CALCR: variants seen among roughly 807,000 people sequenced by gnomAD.
CALCR encodes calcitonin receptor.
Under a neutral mutation model 59.5 loss-of-function variants are expected in CALCR, and 47 were observed. That is an observed-to-expected ratio of 0.79 (90% CI 0.63 to 1.01). The LOEUF (loss-of-function observed/expected upper bound fraction) is 1.01. Ranked by LOEUF, CALCR falls within the 50% of genes least tolerant of loss-of-function variation. CALCR has a pLI of 0.00. For missense variants in CALCR, 566 were observed against 597.1 expected (o/e 0.95, Z 0.54); for synonymous variants, 213 against 211.3 (o/e 1.01, Z -0.07).
rs552658067 is a variant in CALCR at position 93,558,363 on chromosome 7, T to C, written c.-27+15926A>G. Among the ~76,000 whole-genome samples, 7 of 152,182 alleles carry C rather than the reference T, an allele frequency of 4.6e-5. No individual in the cohort carries two copies. The East Asian group carries it at 9.6e-4, about 21-fold the overall frequency. On this transcript the variant is annotated intron_variant, in intron 2 of 13. Coordinates refer to ENST00000426151, the MANE Select transcript of CALCR (RefSeq NM_001742.4). Reference sequence around the variant, plus strand: ...TTCTTTGTATACCATGGTTTGATAATGTTTATTTATTTATACTACTTAAAA... The same window carrying C: ...TTCTTTGTATACCATGGTTTGATAACGTTTATTTATTTATACTACTTAAAA...
intron 10 of CALCR, 31 bp downstream of exon 10, chr7:93,438,179 A>G: frequency 6.2e-7 from 1 of 1,611,000 alleles, no homozygotes; most frequent in Non-Finnish European, 8.5e-7. Flanking sequence ...GTTTATGAAT[A>G]TGTTAACTTA....
intron 8 of CALCR, 148 bp from the exon 9 acceptor site, chr7:93,443,905 T>G: frequency 1.6e-6 from 1 of 643,372 alleles, no homozygotes; most frequent in Non-Finnish European, 2.7e-6. Context: ...CCACCTGCTA[T>G]ACCCACAAAT....
Position 93,429,669 on chromosome 7 carries a change from G to T in CALCR, c.1192-3080C>A, listed in dbSNP as rs531965325. 8.1e-3 allele frequency among the ~76,000 whole-genome samples: 1,235 copies of T among 151,980 alleles called. 6 individuals carry two copies. The highest frequency in any genetic ancestry group is 0.013 in the Non-Finnish European group (854 of 67,926). On this transcript the variant is annotated intron_variant, in intron 13 of 13. Transcript: ENST00000426151. ...TTGGATTTGAATGTTTTTGTCTTTT[G>T]CCTTTCTTTTCCTGAGTTCATTCTA...
rs1415625735 is a variant in CALCR at position 93,426,560 on chromosome 7, G to C, written c.1221C>G (p.Ala407=). The change falls in exon 14 of 14, where the codon GCC becomes GCG. Residue 407 remains alanine, a synonymous_variant. Transcript: ENST00000426151. ...GCTGGTTCCACTGAATTTTGAATTG[G>C]GCCCATTGGCGCTTCACGGTGGTTT... ...EVQTTVKRQW[A]QFKIQWNQRW... The C allele has an allele frequency of 2.5e-6, 4 of 1,611,302 alleles. No individual in the cohort carries two copies. The Admixed American group carries it at 5.0e-5, about 20-fold the overall frequency.
At chr7:93,565,158 A>T (rs549346684) in intron 2 of CALCR, among the ~76,000 whole-genome samples, 43 of 152,236 alleles carry the variant, frequency 2.8e-4, no homozygotes, top group Admixed American at 8.5e-4. Context: ...TAGGGAGAGC[A>T]CTAGATGTGG....
intron 10 of CALCR, 40 bp downstream of exon 10, chr7:93,438,170 T>A (rs753699793): frequency 6.2e-7 from 1 of 1,611,836 alleles, no homozygotes; most frequent in South Asian, 1.1e-5. Context: ...ATACATTTTG[T>A]TTATGAATAT....
intron 2 of CALCR, among the ~76,000 whole-genome samples, chr7:93,533,454 T>A (rs1563010479): frequency 6.6e-6 from 1 of 151,996 alleles, no homozygotes; most frequent in African/African-American, 2.4e-5. Context: ...TTACGCTTCA[T>A]ACTTTCAATG....
chr7:93,436,165 A>G lies in CALCR; in HGVS notation c.936T>C (p.Asn312=), dbSNP rs1432962602. 2 of 1,613,630 alleles carry G rather than the reference A, an allele frequency of 1.2e-6. No individual in the cohort carries two copies. Among genetic ancestry groups the G allele is most frequent in the Middle Eastern group, 1.6e-4 (1 of 6,062 alleles). ...HGPVMAALVV[N]FFFLLNIVRV... The stretch of plus-strand genomic sequence containing the variant: ...GGACAATGTTGAGCAAAAAGAAGAA[A>G]TTGACCTGCAAATATACGGTGTTAT... Residue 312 remains asparagine, a synonymous_variant, in exon 12 of 14, where the codon AAT becomes AAC. Coordinates refer to ENST00000426151, the MANE Select transcript of CALCR (RefSeq NM_001742.4).
chr7:93,453,058 T>C (rs1800141550), intron 8 of CALCR, among the ~76,000 whole-genome samples: 1 of 152,050 alleles, frequency 6.6e-6, no homozygotes, highest in African/African-American at 2.4e-5. Flanking sequence ...TTATGCTTAG[T>C]CCCTTTTAGA....
intron 13 of CALCR, among the ~76,000 whole-genome samples, chr7:93,431,714 A>C (rs1358371575): frequency 6.6e-6 from 1 of 152,198 alleles, no homozygotes; most frequent in Non-Finnish European, 1.5e-5. Flanking sequence ...GAAATAAACA[A>C]AATTTTAGCT....
Position 93,436,068 on chromosome 7 carries a change from T to C in CALCR, c.1033A>G (p.Thr345Ala). The change falls in exon 12 of 14, where the codon ACC becomes GCC. Residue 345 changes from threonine to alanine, a missense_variant. Transcript: ENST00000426151. ...SHMYLKAVKA[T>A]MILVPLLGIQ... ...CCCAGCAGGGGCACAAGGATCATGG[T>C]GGCCTTCACAGCCTTCAGGTACATG... 1 of 1,614,082 alleles carries C rather than the reference T, an allele frequency of 6.2e-7. No homozygotes were observed. Among genetic ancestry groups the C allele is most frequent in the Non-Finnish European group, 8.5e-7 (1 of 1,179,928 alleles).
chr7:93,567,738 C>T (rs1789899126), intron 2 of CALCR, among the ~76,000 whole-genome samples: 1 of 146,168 alleles, frequency 6.8e-6, no homozygotes, highest in East Asian at 2.2e-4. Context: ...GTGTGATGTT[C>T]CCTGCCCTGT....
At chr7:93,501,668 C>T (rs1366241060) in intron 2 of CALCR, among the ~76,000 whole-genome samples, 1 of 152,066 alleles carries the variant, frequency 6.6e-6, no homozygotes, top group Non-Finnish European at 1.5e-5. Context: ...TGTATCTCCT[C>T]ACCTCTCTCT....
At chr7:93,438,494 A>G (rs1799832018) in intron 9 of CALCR, among the ~76,000 whole-genome samples, 1 of 152,198 alleles carries the variant, frequency 6.6e-6, no homozygotes, top group South Asian at 2.1e-4. Context: ...AGAGCATCCA[A>G]ATAATTAAAA....
chr7:93,509,212 T>C (rs1330055195), intron 2 of CALCR, among the ~76,000 whole-genome samples: 1 of 152,176 alleles, frequency 6.6e-6, no homozygotes, highest in African/African-American at 2.4e-5. Context: ...TCCAGATTTC[T>C]TTAAATTGCC....
intron 2 of CALCR, among the ~76,000 whole-genome samples, chr7:93,488,530 C>T (rs1800998977): frequency 8.1e-6 from 1 of 123,352 alleles, no homozygotes; most frequent in African/African-American, 3.1e-5. Flanking sequence ...TGCAAAGACA[C>T]ACATAGGTTC....
intron 3 of CALCR, among the ~76,000 whole-genome samples, chr7:93,480,042 A>C (rs1800760413): frequency 6.6e-6 from 1 of 151,894 alleles, no homozygotes. Context: ...GCTCCTCATA[A>C]TTGACCATAA....
At chr7:93,511,071 C>G (rs1801536114) in intron 2 of CALCR, among the ~76,000 whole-genome samples, 2 of 148,006 alleles carry the variant, frequency 1.4e-5, no homozygotes, top group Non-Finnish European at 3.0e-5. Context: ...GAAAAAAACC[C>G]TCTCTCTCTT....
intron 2 of CALCR, among the ~76,000 whole-genome samples, chr7:93,519,836 C>T (rs1026428839): frequency 2.0e-5 from 3 of 152,058 alleles, no homozygotes. Context: ...CTTCTCTCTC[C>T]TGCTGCCATG....
Sources: allele counts gnomAD v4.1 joint callset (sites outside exome capture counted in the v4.1 genomes callset), GRCh38; gene constraint gnomAD v4.1.1; transcripts MANE v1.5; gene names NCBI Gene and HGNC (gene_info 2026-07-23, HGNC 2026-07-21).